GM2A: variants seen among roughly 807,000 people sequenced by gnomAD.
GM2A encodes the protein GM2 ganglioside activator.
A neutral mutation model predicts 12.9 loss-of-function variants in GM2A; 7 were observed. That is an observed-to-expected ratio of 0.54 (90% CI 0.31 to 1.02). The LOEUF (loss-of-function observed/expected upper bound fraction) is 1.02. Among genes scored for constraint, GM2A ranks in the 50% least tolerant of loss-of-function variants. The probability of loss-of-function intolerance (pLI) is 0.05; values close to 1 mark genes in which losing one functional copy is unlikely to be tolerated. For missense variants in GM2A, 246 were observed against 241.0 expected (o/e 1.02, Z -0.14); for synonymous variants, 101 against 96.0 (o/e 1.05, Z -0.30).
At position 151,267,499 on chromosome 5, in the gene GM2A, T is replaced by C. The variant is rs1220083839; in HGVS notation, c.*48T>C. ...TGGAGCGGTGTGAGGAAGGTCCCTT[T>C]TCCTCTGTTTTGTGTTTGCCAAGGC... On this transcript the variant is annotated 3_prime_UTR_variant, in exon 4 of 4. Coordinates refer to ENST00000357164, the MANE Select transcript of GM2A (RefSeq NM_000405.5). 10 of 1,612,764 alleles carry C rather than the reference T, an allele frequency of 6.2e-6. No individual in the cohort carries two copies. The highest frequency in any genetic ancestry group is 8.5e-6 in the Non-Finnish European group (10 of 1,179,630).
In GM2A at chr5:151,269,179, C is replaced by T; in HGVS notation, c.*1728C>T. The T allele has an allele frequency of 8.1e-6, 8 of 985,398 alleles. No individual in the cohort carries two copies. Among genetic ancestry groups the T allele is most frequent in the Non-Finnish European group, 9.6e-6 (8 of 829,878 alleles). The allele number at this position is 985,398 out of a possible 1,614,324, so 61.0% of individuals were successfully genotyped here. On this transcript the variant is annotated 3_prime_UTR_variant, in exon 4 of 4. Transcript: ENST00000357164. ...ATCATAACAACTTCTGAAACACACACCAGCCCTGAGTTCTGGGCTCATTTG... is the reference window on the plus strand; with the variant it reads ...ATCATAACAACTTCTGAAACACACATCAGCCCTGAGTTCTGGGCTCATTTG...
At chr5:151,260,493 C>T (rs1405478012) in intron 2 of GM2A, among the ~76,000 whole-genome samples, 1 of 152,104 alleles carries the variant, frequency 6.6e-6, no homozygotes, top group Non-Finnish European at 1.5e-5. Context: ...TGGCATGTGC[C>T]TGTAATCCTA....
In GM2A at chr5:151,268,672, ACT is replaced by A; in HGVS notation, c.*1224_*1225del. On this transcript the variant is annotated 3_prime_UTR_variant, in exon 4 of 4. Transcript: ENST00000357164. ...TACTCCAGCCTGGTGACAGAGTGAGACTCTGTCTCAAAAAAAAAGTTTCAATG... is the reference window on the plus strand; with the variant it reads ...TACTCCAGCCTGGTGACAGAGTGAGACTGTCTCAAAAAAAAAGTTTCAATG... 1 of 613,032 alleles carries A rather than the reference ACT, an allele frequency of 1.6e-6. No individual in the cohort carries two copies. Among genetic ancestry groups the A allele is most frequent in the Non-Finnish European group, 2.0e-6 (1 of 500,600 alleles). The allele number at this position is 613,032 out of a possible 1,614,324, so 38.0% of individuals were successfully genotyped here. A position where few individuals can be genotyped will look rare whatever the true frequency, so the allele number is the denominator to read the frequency against.
intron 1 of GM2A, among the ~76,000 whole-genome samples, chr5:151,253,660 G>A (rs1318900294): frequency 6.6e-6 from 1 of 151,074 alleles, no homozygotes; most frequent in African/African-American, 2.4e-5. Flanking sequence ...CCCATGATAA[G>A]GCCTGCTGCC....
chr5:151,253,791 C>T lies in GM2A; in HGVS notation c.81+494C>T, dbSNP rs566023670. ...GGTGACAAATACCCAGGCCTGTGAC[C>T]CCGCTGCCCTTGGTTATGAGCCACT... On this transcript the variant is annotated intron_variant, in intron 1 of 3. Transcript: ENST00000357164. Among the ~76,000 whole-genome samples, 9 of 152,132 alleles carry T rather than the reference C, an allele frequency of 5.9e-5. No homozygotes were observed. The South Asian group carries it at 1.9e-3, about 31-fold the overall frequency.
chr5:151,257,302 C>T (rs544269877), intron 1 of GM2A, among the ~76,000 whole-genome samples: 7 of 152,180 alleles, frequency 4.6e-5, no homozygotes, highest in South Asian at 2.1e-4. Context: ...GACAGCTAGC[C>T]GGGCATTACC....
intron 2 of GM2A, among the ~76,000 whole-genome samples, chr5:151,265,374 A>G (rs200487786): frequency 6.6e-6 from 1 of 152,230 alleles, no homozygotes; most frequent in East Asian, 1.9e-4. Flanking sequence ...CTCTTAGGAC[A>G]TAAGTGCCCA....
chr5:151,259,617 T>C (rs1753755584), intron 1 of GM2A, 138 bp from the exon 2 acceptor site: 1 of 722,310 alleles, frequency 1.4e-6, no homozygotes, highest in Non-Finnish European at 2.5e-6. Context: ...AGGTATGGAG[T>C]CTCATAGATG....
intron 2 of GM2A, among the ~76,000 whole-genome samples, chr5:151,261,639 A>G (rs1211196562): frequency 1.3e-5 from 2 of 150,972 alleles, no homozygotes; most frequent in East Asian, 3.9e-4. Flanking sequence ...GGGTTTCACC[A>G]TGTTGGCCAG....
At chr5:151,265,437 C>T (rs916071179) in intron 2 of GM2A, among the ~76,000 whole-genome samples, 4 of 152,208 alleles carry the variant, frequency 2.6e-5, no homozygotes, top group Admixed American at 1.3e-4. Flanking sequence ...AGCCTAGAGG[C>T]TGGGATTCCT....
At chr5:151,254,116 G>A (rs1189455273) in intron 1 of GM2A, among the ~76,000 whole-genome samples, 1 of 152,112 alleles carries the variant, frequency 6.6e-6, no homozygotes, top group Non-Finnish European at 1.5e-5. Context: ...TCTTCATCAA[G>A]TGTCTGTTGA....
Position 151,267,542 on chromosome 5 carries a change from C to A in GM2A, c.*91C>A, listed in dbSNP as rs774301017. On this transcript the variant is annotated 3_prime_UTR_variant, in exon 4 of 4. Coordinates refer to ENST00000357164, the MANE Select transcript of GM2A (RefSeq NM_000405.5). ...GCCAAGGCCAAACTCCCACTCTCTG[C>A]CCCCCTTTAATCCCCTTTCTACAGT... 6.1e-5 allele frequency: 97 copies of A among 1,585,606 alleles called. No individual in the cohort carries two copies. The highest frequency in any genetic ancestry group is 7.7e-5 in the Non-Finnish European group (90 of 1,167,224).
intron 2 of GM2A, among the ~76,000 whole-genome samples, chr5:151,266,303 A>C (rs941006429): frequency 2.0e-5 from 3 of 152,078 alleles, no homozygotes; most frequent in Non-Finnish European, 4.4e-5. Flanking sequence ...ACAAAGTGAG[A>C]CCCCATCTCT....
At position 151,256,493 on chromosome 5, in the gene GM2A, T is replaced by A. The variant is rs374582887; in HGVS notation, c.81+3196T>A. Among the ~76,000 whole-genome samples, 3 of 151,680 alleles carry A rather than the reference T, an allele frequency of 2.0e-5. No homozygotes were observed. In the East Asian group the frequency reaches 5.8e-4, roughly 30 times the overall value. On this transcript the variant is annotated intron_variant, in intron 1 of 3. Coordinates refer to ENST00000357164, the MANE Select transcript of GM2A (RefSeq NM_000405.5). ...GGTGGCGTACACCTGTAGTCCCAGCTACTTGGGAGGCTGAGGCAGGAGAAA... is the reference window on the plus strand; with the variant it reads ...GGTGGCGTACACCTGTAGTCCCAGCAACTTGGGAGGCTGAGGCAGGAGAAA...
chr5:151,253,567 C>T (rs539082575), intron 1 of GM2A, among the ~76,000 whole-genome samples: 1 of 152,280 alleles, frequency 6.6e-6, no homozygotes, highest in East Asian at 1.9e-4. Flanking sequence ...AAAATGCAGA[C>T]AGCCTTAAAA....
At chr5:151,265,746 C>G (rs1753872452) in intron 2 of GM2A, among the ~76,000 whole-genome samples, 1 of 152,170 alleles carries the variant, frequency 6.6e-6, no homozygotes, top group East Asian at 1.9e-4. Context: ...AAAGTCATGA[C>G]AGTATGGAGG....
At position 151,267,695 on chromosome 5, in the gene GM2A, C is replaced by T. The variant is rs1191263965; in HGVS notation, c.*244C>T. On this transcript the variant is annotated 3_prime_UTR_variant, in exon 4 of 4. Transcript: ENST00000357164. ...CCCAGGGCATCTGCTGGGCTGACCA[C>T]GTTACTCATCCCCGTTAACATTCTC... 25 of 1,435,232 alleles carry T rather than the reference C, an allele frequency of 1.7e-5. No individual in the cohort carries two copies. Among genetic ancestry groups the T allele is most frequent in the African/African-American group, 2.8e-5 (2 of 70,556 alleles). 88.9% of individuals were successfully genotyped at this position (1,435,232 alleles called of 1,614,324 possible). A position where few individuals can be genotyped will look rare whatever the true frequency, so the allele number is the denominator to read the frequency against.
At chr5:151,264,142 C>T (rs2127238642) in intron 2 of GM2A, among the ~76,000 whole-genome samples, 1 of 152,320 alleles carries the variant, frequency 6.6e-6, no homozygotes, top group South Asian at 2.1e-4. Flanking sequence ...TTATTCCAGC[C>T]TTTCAGGCCT....
At chr5:151,253,530 C>G (rs143110659) in intron 1 of GM2A, among the ~76,000 whole-genome samples, 5 of 152,324 alleles carry the variant, frequency 3.3e-5, no homozygotes, top group African/African-American at 1.2e-4. Context: ...TCTGCACTCT[C>G]CTGCCCTCCC....
Sources: gnomAD v4.1 joint callset for allele counts (sites outside exome capture counted in the v4.1 genomes callset) on GRCh38, gnomAD v4.1.1 for gene constraint, MANE v1.5 for transcripts, NCBI Gene and HGNC (gene_info 2026-07-23, HGNC 2026-07-21) for gene names.